Variants in JPH3 observed in about 807,000 individuals in gnomAD.
The protein encoded by JPH3 is junctophilin 3, also known as junctophilin-3.
Under a neutral mutation model 59.6 loss-of-function variants are expected in JPH3, and 11 were observed. That is an observed-to-expected ratio of 0.18 (90% CI 0.12 to 0.31). The LOEUF (loss-of-function observed/expected upper bound fraction) is 0.31, where lower values mean the gene tolerates loss of function less well. Among genes scored for constraint, JPH3 ranks in the 10% least tolerant of loss-of-function variants. The pLI is 1.00. For synonymous variants in JPH3, 673 were observed against 483.6 expected (o/e 1.39, Z -5.14); for missense variants, 1,202 against 1,105.7 (o/e 1.09, Z -1.24).
chr16:87,620,977 G>T (rs55904985), intron 1 of JPH3, among the ~76,000 whole-genome samples: 43,639 of 152,022 alleles, frequency 0.29, 6,449 homozygotes, highest in East Asian at 0.32. Context: ...GGCCAACATG[G>T]TGGAACCCCA....
At chr16:87,696,212 A>C in intron 4 of JPH3, 1 of 441,748 alleles carries the variant, frequency 2.3e-6, no homozygotes, top group Non-Finnish European at 4.4e-6. Flanking sequence ...GGGCAGGAGA[A>C]GCCTGCTGAC....
In JPH3 at chr16:87,616,190, T is replaced by TTGTGTGTGTG. The variant is rs56053716; in HGVS notation, c.382+12700_382+12709dup. On this transcript the variant is annotated intron_variant, in intron 1 of 4. Coordinates refer to ENST00000284262, the MANE Select transcript of JPH3 (RefSeq NM_020655.4). ...AGCAGAACAGCAACGCAATCTGGTT[T>TTGTGTGTGTG]TGTGTGTGTGTGTGTGTGTGTGTGT... is the stretch of plus-strand genomic sequence containing the variant. 9.6e-3 allele frequency among the ~76,000 whole-genome samples: 1,112 copies of TTGTGTGTGTG among 115,996 alleles called. 17 individuals are homozygous for TTGTGTGTGTG. The highest frequency in any genetic ancestry group is 0.049 in the East Asian group (182 of 3,736). The allele number at this position is 115,996 out of a possible 152,430, so 76.1% of individuals were successfully genotyped here.
At chr16:87,619,173 T>C (rs2150827624) in intron 1 of JPH3, among the ~76,000 whole-genome samples, 1 of 151,878 alleles carries the variant, frequency 6.6e-6, no homozygotes, top group South Asian at 2.1e-4. Flanking sequence ...AAAAATTAGC[T>C]GGGCATGGTG....
At chr16:87,650,930 G>T (rs983678506) in intron 2 of JPH3, among the ~76,000 whole-genome samples, 2 of 152,262 alleles carry the variant, frequency 1.3e-5, no homozygotes, top group African/African-American at 4.8e-5. Context: ...CAGATTTTCA[G>T]TGTCGATGGA....
chr16:87,684,558 C>T (rs536806031), intron 3 of JPH3: 3 of 407,158 alleles, frequency 7.4e-6, no homozygotes, highest in Non-Finnish European at 1.4e-5. Flanking sequence ...TCCCACCTGC[C>T]CAGCCTGTGC....
intron 2 of JPH3, among the ~76,000 whole-genome samples, chr16:87,677,185 TACACACACACACAC>T (rs764055221): frequency 2.1e-5 from 2 of 95,158 alleles, no homozygotes; most frequent in Admixed American, 1.2e-4. Context: ...TATATATATA[TACACACACACACAC>T]ACACACACAC....
intron 4 of JPH3, among the ~76,000 whole-genome samples, chr16:87,690,850 T>G (rs902859983): frequency 4.6e-5 from 7 of 152,354 alleles, no homozygotes; most frequent in African/African-American, 1.7e-4. Context: ...TCCAAGAGTC[T>G]GTGCCCCTGG....
At chr16:87,668,702 C>T (rs1309597903) in intron 2 of JPH3, among the ~76,000 whole-genome samples, 1 of 152,214 alleles carries the variant, frequency 6.6e-6, no homozygotes, top group East Asian at 1.9e-4. Context: ...GGTTCCATTG[C>T]TGTCAGTCTC....
intron 1 of JPH3, among the ~76,000 whole-genome samples, chr16:87,624,345 C>T (rs932854829): frequency 1.3e-5 from 2 of 152,160 alleles, no homozygotes; most frequent in South Asian, 2.1e-4. Flanking sequence ...CCCTGGTGAC[C>T]GAGACTCCAT....
chr16:87,684,335 A>T (rs1446599071), intron 3 of JPH3, 69 bp downstream of exon 3: 1 of 1,578,602 alleles, frequency 6.3e-7, no homozygotes, highest in East Asian at 2.3e-5. Flanking sequence ...CAGTCCTGGC[A>T]GCAGATGTGT....
chr16:87,672,004 C>G (rs2033029186), intron 2 of JPH3, among the ~76,000 whole-genome samples: 1 of 152,158 alleles, frequency 6.6e-6, no homozygotes, highest in African/African-American at 2.4e-5. Flanking sequence ...GGGGTACGTG[C>G]TGCGTTCAGT....
chr16:87,604,290 G>GC (rs1224661901), intron 1 of JPH3: 2 of 968,998 alleles, frequency 2.1e-6, no homozygotes, highest in Non-Finnish European at 2.7e-6. Flanking sequence ...GGAGCTGCCT[G>GC]CTGCTGCTGC....
intron 2 of JPH3, among the ~76,000 whole-genome samples, chr16:87,682,743 G>C (rs912602958): frequency 6.6e-6 from 1 of 152,224 alleles, no homozygotes; most frequent in Non-Finnish European, 1.5e-5. Flanking sequence ...CTCCCAGGGA[G>C]TCTGCTCGGA....
intron 1 of JPH3, among the ~76,000 whole-genome samples, chr16:87,642,285 G>A (rs80310687): frequency 6.6e-6 from 1 of 151,986 alleles, no homozygotes; most frequent in Non-Finnish European, 1.5e-5. Context: ...GCTTCGCTCC[G>A]AGAGATGGCG....
Position 87,604,300 on chromosome 16 carries a change from C to T in JPH3, c.382+772C>T, listed in dbSNP as rs779846907. ...GCCAGGGAGCTGCCTGCTGCTGCTG[C>T]TGCTGCTGCTGCTGCTGCTGCTGCT... On this transcript the variant is annotated intron_variant, in intron 1 of 4. Transcript: ENST00000284262. The T allele has an allele frequency of 9.6e-6, 14 of 1,457,528 alleles. No individual in the cohort carries two copies. The East Asian group carries it at 3.2e-4, about 33-fold the overall frequency. The allele number at this position is 1,457,528 out of a possible 1,614,324, so 90.3% of individuals were successfully genotyped here.
At chr16:87,629,838 G>C (rs919470850) in intron 1 of JPH3, among the ~76,000 whole-genome samples, 1 of 152,158 alleles carries the variant, frequency 6.6e-6, no homozygotes, top group African/African-American at 2.4e-5. Context: ...GGTTAATAAT[G>C]TATCTGTCTT....
intron 3 of JPH3, among the ~76,000 whole-genome samples, chr16:87,687,059 C>T (rs921562147): frequency 6.6e-6 from 1 of 152,212 alleles, no homozygotes; most frequent in Non-Finnish European, 1.5e-5. Flanking sequence ...GTGTTTTTTA[C>T]AAGCGCTGGG....
chr16:87,616,147 A>G (rs2150825774), intron 1 of JPH3, among the ~76,000 whole-genome samples: 1 of 148,144 alleles, frequency 6.8e-6, no homozygotes, highest in South Asian at 2.2e-4. Context: ...GGGCCCGGGA[A>G]CGACATTGTC....
intron 2 of JPH3, among the ~76,000 whole-genome samples, chr16:87,645,323 G>A (rs895506908): frequency 1.3e-5 from 2 of 152,232 alleles, no homozygotes; most frequent in African/African-American, 4.8e-5. Context: ...GATGTTTAGT[G>A]TAAAATATTG....
Sources: gnomAD v4.1 joint callset for allele counts (sites outside exome capture counted in the v4.1 genomes callset) on GRCh38, gnomAD v4.1.1 for gene constraint, MANE v1.5 for transcripts, NCBI Gene and HGNC (gene_info 2026-07-23, HGNC 2026-07-21) for gene names.